VPS4B: variants seen among roughly 807,000 people sequenced by gnomAD.
The protein encoded by VPS4B is vacuolar protein sorting-associated protein 4B.
A neutral mutation model predicts 56.1 loss-of-function variants in VPS4B; 23 were observed. That is an observed-to-expected ratio of 0.41 (90% CI 0.30 to 0.58). VPS4B has a LOEUF of 0.58. Among genes scored for constraint, VPS4B ranks in the 20% least tolerant of loss-of-function variants. VPS4B has a pLI of 0.29. For synonymous variants in VPS4B, 177 were observed against 186.0 expected, an observed-to-expected ratio of 0.95 and a Z score of 0.39; for missense variants, 372 against 531.9, an observed-to-expected ratio of 0.70 and a Z score of 2.96.
At chr18:63,407,115 C>T (rs1915936126) in intron 4 of VPS4B, among the ~76,000 whole-genome samples, 1 of 152,198 alleles carries the variant, frequency 6.6e-6, no homozygotes, top group South Asian at 2.1e-4. Context: ...TCAAATTTTG[C>T]AGTGTGCTAA....
rs11383277 is a variant in VPS4B, at chr18:63,411,655, G to GTTT, written c.28-80_28-78dup. On this transcript the variant is annotated intron_variant, in intron 1 of 10. Transcript: ENST00000238497. ...TTTGAAGTAAATAATCATACTGAAA[G>GTTT]TTTTTTTTTTTTTTAAAGCTTCTCA... 5,220 of 748,890 alleles carry GTTT rather than the reference G, an allele frequency of 7.0e-3. 71 individuals are homozygous for GTTT. Among genetic ancestry groups the GTTT allele is most frequent in the African/African-American group, 0.056 (3,020 of 53,470 alleles). The allele number at this position is 748,890 out of a possible 1,614,324, so 46.4% of individuals were successfully genotyped here.
At chr18:63,419,418 A>G (rs1276963876) in intron 1 of VPS4B, among the ~76,000 whole-genome samples, 1 of 148,778 alleles carries the variant, frequency 6.7e-6, no homozygotes, top group Non-Finnish European at 1.5e-5. Flanking sequence ...CTCTGTCTCA[A>G]AAAAAAAAAA....
intron 4 of VPS4B, among the ~76,000 whole-genome samples, chr18:63,405,870 C>T (rs1254969265): frequency 6.6e-6 from 1 of 151,840 alleles, no homozygotes; most frequent in Non-Finnish European, 1.5e-5. Flanking sequence ...CCTGTGTTCC[C>T]AGCTACTCAG....
chr18:63,392,833 C>T (rs1915583064), intron 10 of VPS4B, among the ~76,000 whole-genome samples: 1 of 152,014 alleles, frequency 6.6e-6, no homozygotes, highest in Non-Finnish European at 1.5e-5. Flanking sequence ...TCACTGCAAC[C>T]TCTGCCTCCC....
At chr18:63,415,247 G>C (rs1916135894) in intron 1 of VPS4B, 1 of 152,486 alleles carries the variant, frequency 6.6e-6, no homozygotes, top group African/African-American at 2.4e-5. Flanking sequence ...TAATTCTGGA[G>C]AGCTAATTAT....
chr18:63,400,731 T>C (rs748076051), intron 5 of VPS4B, 28 bp from the exon 6 acceptor site: 9 of 1,585,856 alleles, frequency 5.7e-6, no homozygotes, highest in Non-Finnish European at 7.7e-6. Flanking sequence ...AAAAATGTCA[T>C]GAGAATTTTA....
At chr18:63,399,050 T>C (rs1915751702) in intron 8 of VPS4B, among the ~76,000 whole-genome samples, 192 bp downstream of exon 8, 1 of 152,162 alleles carries the variant, frequency 6.6e-6, no homozygotes, top group South Asian at 2.1e-4. Context: ...ATCTTGTATA[T>C]TTGATAAACT....
intron 8 of VPS4B, among the ~76,000 whole-genome samples, chr18:63,398,204 C>CATATAT (rs200905713): frequency 8.9e-6 from 1 of 112,446 alleles, no homozygotes. Flanking sequence ...CACACACACA[C>CATATAT]ATATATATAT....
intron 4 of VPS4B, among the ~76,000 whole-genome samples, 163 bp from the exon 5 acceptor site, chr18:63,403,989 G>A (rs913098913): frequency 6.6e-6 from 1 of 152,234 alleles, no homozygotes; most frequent in African/African-American, 2.4e-5. Flanking sequence ...GTGTTAGGGA[G>A]TAGTCAATAG....
chr18:63,393,350 G>A, intron 10 of VPS4B, 59 bp downstream of exon 10: 1 of 1,427,442 alleles, frequency 7.0e-7, no homozygotes, highest in Non-Finnish European at 9.3e-7. Flanking sequence ...TTATATAACT[G>A]AAAATTATGA....
chr18:63,403,219 T>C (rs1273111145), intron 5 of VPS4B, among the ~76,000 whole-genome samples: 1 of 152,214 alleles, frequency 6.6e-6, no homozygotes, highest in Non-Finnish European at 1.5e-5. Context: ...ATTGCAAAAA[T>C]TCAGATGAAA....
At chr18:63,407,255 T>TA (rs1378844749) in intron 4 of VPS4B, 177 bp downstream of exon 4, 2 of 593,864 alleles carry the variant, frequency 3.4e-6, no homozygotes, top group Non-Finnish European at 5.8e-6. Context: ...ACCATGATCC[T>TA]AGAGGGCAAA....
In VPS4B at chr18:63,415,608, A is replaced by C. The variant is rs11873230; in HGVS notation, c.28-4030T>G. The C allele has an allele frequency of 1.7e-3, 408 of 243,838 alleles. 4 individuals carry two copies. The highest frequency in any genetic ancestry group is 8.8e-3 in the African/African-American group (386 of 43,658). The allele number at this position is 243,838 out of a possible 1,614,324, so 15.1% of individuals were successfully genotyped here. On this transcript the variant is annotated intron_variant, in intron 1 of 10. Coordinates refer to ENST00000238497, the MANE Select transcript of VPS4B (RefSeq NM_004869.4). The stretch of plus-strand genomic sequence containing the variant: ...TGTGCCCTGAGTGAAGCAGTGGTCC[A>C]TGATAACCTTGATCTTCTTGGGGGC...
intron 1 of VPS4B, among the ~76,000 whole-genome samples, chr18:63,419,395 C>T (rs1465388464): frequency 6.6e-6 from 1 of 150,774 alleles, no homozygotes. Context: ...CCTGCCTGGG[C>T]AATAGAGTGA....
chr18:63,401,739 T>C (rs958037566), intron 5 of VPS4B, among the ~76,000 whole-genome samples: 11 of 152,140 alleles, frequency 7.2e-5, no homozygotes, highest in Non-Finnish European at 1.5e-4. Context: ...ATGTATGTAA[T>C]CCCAGCACTT....
chr18:63,403,665 T>C, intron 5 of VPS4B, 42 bp downstream of exon 5: 2 of 1,564,726 alleles, frequency 1.3e-6, no homozygotes, highest in Non-Finnish European at 1.7e-6. Flanking sequence ...TCAATGAACT[T>C]TTACAAACTC....
In VPS4B at chr18:63,422,404, T is replaced by C; in HGVS notation, c.-145A>G. ...CGAAGGGCAGCCTCCCTTCCGGAAC[T>C]TGTTTTAGACAACACTCTCTCCACC... is the stretch of plus-strand genomic sequence containing the variant. On this transcript the variant is annotated 5_prime_UTR_variant, in exon 1 of 11. Coordinates refer to ENST00000238497, the MANE Select transcript of VPS4B (RefSeq NM_004869.4). The C allele has an allele frequency of 1.5e-6, 1 of 689,214 alleles. No individual in the cohort carries two copies. Among genetic ancestry groups the C allele is most frequent in the Non-Finnish European group, 2.2e-6 (1 of 459,266 alleles). 42.7% of individuals were successfully genotyped at this position (689,214 alleles called of 1,614,324 possible).
At chr18:63,420,483 T>C (rs929464819) in intron 1 of VPS4B, among the ~76,000 whole-genome samples, 1 of 152,066 alleles carries the variant, frequency 6.6e-6, no homozygotes, top group African/African-American at 2.4e-5. Flanking sequence ...TGATGAAGAT[T>C]ATGTTGTAGA....
At chr18:63,408,263 G>T (rs114255247) in intron 3 of VPS4B, among the ~76,000 whole-genome samples, 2,529 of 151,156 alleles carry the variant, frequency 0.017, 63 homozygotes, top group African/African-American at 0.059. Context: ...CAAAAATAAG[G>T]CATTATATCA....
Sources: gnomAD v4.1 joint callset for allele counts (sites outside exome capture counted in the v4.1 genomes callset) on GRCh38, gnomAD v4.1.1 for gene constraint, MANE v1.5 for transcripts, NCBI Gene and HGNC (gene_info 2026-07-23, HGNC 2026-07-21) for gene names.